The following DNAAF9 variants were observed in gnomAD, a reference collection of about 807,000 sequenced individuals.
DNAAF9 encodes the protein dynein axonemal assembly factor 9.
In DNAAF9, 90 loss-of-function variants were observed where a neutral mutation model predicts 167.0. The observed-to-expected ratio is 0.54, with a 90% CI of 0.45 to 0.64. The LOEUF (loss-of-function observed/expected upper bound fraction) is 0.64, where lower values mean the gene tolerates loss of function less well. Among genes scored for constraint, DNAAF9 ranks in the 30% least tolerant of loss-of-function variants. The probability of loss-of-function intolerance (pLI) is 0.00; values close to 1 mark genes in which losing one functional copy is unlikely to be tolerated. For synonymous variants in DNAAF9, 491 were observed against 508.8 expected, an observed-to-expected ratio of 0.96 and a Z score of 0.47; for missense variants, 1,315 against 1,442.2, an observed-to-expected ratio of 0.91 and a Z score of 1.43.
intron 20 of DNAAF9, among the ~76,000 whole-genome samples, chr20:3,306,342 T>C (rs2069292604): frequency 6.6e-6 from 1 of 152,220 alleles, no homozygotes; most frequent in Non-Finnish European, 1.5e-5. Context: ...AAATTTCTGA[T>C]ATTCTTCTCA....
At chr20:3,369,697 A>G (rs535385225) in intron 6 of DNAAF9, among the ~76,000 whole-genome samples, 1 of 152,164 alleles carries the variant, frequency 6.6e-6, no homozygotes, top group Non-Finnish European at 1.5e-5. Flanking sequence ...TTTAAAGGTT[A>G]AAGTCTTTTA....
intron 9 of DNAAF9, among the ~76,000 whole-genome samples, chr20:3,343,119 T>C (rs529689873): frequency 2.6e-5 from 4 of 152,232 alleles, no homozygotes; most frequent in African/African-American, 9.6e-5. Context: ...GAGCCAGGAA[T>C]GAAATTAAAA....
At chr20:3,344,590 T>TAC (rs4053351) in intron 8 of DNAAF9, among the ~76,000 whole-genome samples, 2,764 of 144,452 alleles carry the variant, frequency 0.019, 40 homozygotes, top group East Asian at 0.051. Context: ...TACACACACA[T>TAC]ACACACACAC....
chr20:3,286,011 T>G (rs922554126), intron 27 of DNAAF9, among the ~76,000 whole-genome samples: 5 of 149,764 alleles, frequency 3.3e-5, no homozygotes, highest in Non-Finnish European at 5.9e-5. Flanking sequence ...AAAAAGAAAA[T>G]AAAGCCATAT....
rs144939342 is a variant in DNAAF9 at position 3,357,751 on chromosome 20, C to T, written c.690+1765G>A. Reference sequence around the variant, plus strand: ...TTGTTGCCCGGGCTGGAGTGTGGAGCGCAATGGTACAATCTCGGCTCATTG... The same window carrying T: ...TTGTTGCCCGGGCTGGAGTGTGGAGTGCAATGGTACAATCTCGGCTCATTG... On this transcript the variant is annotated intron_variant, in intron 7 of 36. Coordinates refer to ENST00000252032, the MANE Select transcript of DNAAF9 (RefSeq NM_001009984.3). Among the ~76,000 whole-genome samples, 209 of 151,728 alleles carry T rather than the reference C, an allele frequency of 1.4e-3. 3 individuals are homozygous for T. The highest frequency in any genetic ancestry group is 2.6e-3 in the Non-Finnish European group (175 of 67,940).
Position 3,375,025 on chromosome 20 carries a change from C to T in DNAAF9, c.505+5G>A, listed in dbSNP as rs746619096. On this transcript the variant is annotated splice_donor_5th_base_variant and intron_variant, in intron 5 of 36. Coordinates refer to ENST00000252032, the MANE Select transcript of DNAAF9 (RefSeq NM_001009984.3). ...GTTCTAGAAGGCTTGCTGTCAGATA[C>T]TCACCTTGGGAGCTGTAAGGAATGC... is the stretch of plus-strand genomic sequence containing the variant. The T allele has an allele frequency of 1.3e-6, 2 of 1,521,256 alleles. No individual in the cohort carries two copies. The highest frequency in any genetic ancestry group is 9.1e-7 in the Non-Finnish European group (1 of 1,095,882). The allele number at this position is 1,521,256 out of a possible 1,614,324, so 94.2% of individuals were successfully genotyped here. A position where few individuals can be genotyped will look rare whatever the true frequency, so the allele number is the denominator to read the frequency against.
At chr20:3,306,675 A>G (rs541120678) in intron 20 of DNAAF9, among the ~76,000 whole-genome samples, 4 of 151,856 alleles carry the variant, frequency 2.6e-5, no homozygotes, top group Admixed American at 6.6e-5. Flanking sequence ...TTTTCTTTCA[A>G]TTCTCCCCTG....
chr20:3,348,229 G>A (rs1270231620), intron 8 of DNAAF9, among the ~76,000 whole-genome samples: 1 of 152,086 alleles, frequency 6.6e-6, no homozygotes, highest in Non-Finnish European at 1.5e-5. Flanking sequence ...ACAAAGGTGT[G>A]CTACTCACAT....
intron 20 of DNAAF9, 39 bp downstream of exon 20, chr20:3,314,994 C>T (rs780831776): frequency 1.7e-6 from 2 of 1,179,498 alleles, no homozygotes; most frequent in South Asian, 1.3e-5. Context: ...AATGAGGGAC[C>T]CAGACATGGC....
intron 7 of DNAAF9, among the ~76,000 whole-genome samples, 200 bp downstream of exon 7, chr20:3,359,316 T>C (rs1284532540): frequency 1.3e-5 from 2 of 151,898 alleles, no homozygotes; most frequent in Admixed American, 6.6e-5. Context: ...CACCTCAGAG[T>C]GGAAGAGGGA....
chr20:3,297,675 A>G (rs1267379947), intron 22 of DNAAF9, among the ~76,000 whole-genome samples: 1 of 152,214 alleles, frequency 6.6e-6, no homozygotes, highest in Non-Finnish European at 1.5e-5. Flanking sequence ...GGACTGGCCC[A>G]TGGGGAAGGA....
intron 27 of DNAAF9, among the ~76,000 whole-genome samples, chr20:3,285,239 G>T (rs1481457084): frequency 1.3e-5 from 2 of 152,126 alleles, no homozygotes; most frequent in Non-Finnish European, 2.9e-5. Context: ...TTTCCCCAAA[G>T]AATGCTATAA....
intron 1 of DNAAF9, among the ~76,000 whole-genome samples, chr20:3,396,510 G>C (rs548141620): frequency 3.5e-4 from 53 of 152,290 alleles, no homozygotes; most frequent in Admixed American, 1.9e-3. Context: ...AGAGAGGAGA[G>C]ATAAACTAAA....
chr20:3,374,911 T>G (rs954803383), intron 5 of DNAAF9, 119 bp downstream of exon 5: 8 of 642,402 alleles, frequency 1.2e-5, no homozygotes, highest in South Asian at 2.1e-5. Flanking sequence ...TTGATGTCTT[T>G]GGTAAAAATA....
At chr20:3,370,374 A>G (rs1171679240) in intron 6 of DNAAF9, among the ~76,000 whole-genome samples, 2 of 151,418 alleles carry the variant, frequency 1.3e-5, no homozygotes, top group Non-Finnish European at 2.9e-5. Context: ...TCAGCCTCCC[A>G]AGTAGGTGGG....
chr20:3,275,998 GT>G (rs1281879424), intron 29 of DNAAF9, among the ~76,000 whole-genome samples: 1 of 152,188 alleles, frequency 6.6e-6, no homozygotes, highest in Non-Finnish European at 1.5e-5. Flanking sequence ...ATTATAATGA[GT>G]CTTACTTGCT....
intron 1 of DNAAF9, among the ~76,000 whole-genome samples, chr20:3,397,495 T>C (rs1044203607): frequency 2.0e-5 from 3 of 152,040 alleles, no homozygotes; most frequent in African/African-American, 4.8e-5. Flanking sequence ...ATTTTTTGTA[T>C]TTTTAGTAGA....
In DNAAF9 at chr20:3,336,253, TTTTTG is replaced by T. The variant is rs1204317046; in HGVS notation, c.982-3897_982-3893del. Among the ~76,000 whole-genome samples the T allele has an allele frequency of 4.3e-3, 368 of 86,088 alleles. 17 individuals are homozygous for T. The highest frequency in any genetic ancestry group is 0.015 in the African/African-American group (280 of 18,090). The allele number at this position is 86,088 out of a possible 152,430, so 56.5% of individuals were successfully genotyped here. The stretch of plus-strand genomic sequence containing the variant: ...GATTTTGCAGATTCACAGTTTTGCG[TTTTTG>T]TTTTTTTTTTTTTTTTTGCCAAATT... On this transcript the variant is annotated intron_variant, in intron 10 of 36. Coordinates refer to ENST00000252032, the MANE Select transcript of DNAAF9 (RefSeq NM_001009984.3).
intron 2 of DNAAF9, among the ~76,000 whole-genome samples, chr20:3,381,925 C>G (rs2083659621): frequency 6.6e-6 from 1 of 152,106 alleles, no homozygotes; most frequent in Non-Finnish European, 1.5e-5. Flanking sequence ...ACCACAAACA[C>G]CCATCACTTT....
Sources: gnomAD v4.1 joint callset for allele counts (sites outside exome capture counted in the v4.1 genomes callset) on GRCh38, gnomAD v4.1.1 for gene constraint, MANE v1.5 for transcripts, NCBI Gene and HGNC (gene_info 2026-07-23, HGNC 2026-07-21) for gene names.